Variants in CHST12 observed in about 807,000 individuals in gnomAD.
The protein encoded by CHST12 is carbohydrate (chondroitin 4) sulfotransferase 12.
CHST12 carries 23 observed loss-of-function variants against 27.9 expected under a neutral mutation model. The ratio of observed to expected loss-of-function variants is 0.82; its 90% CI spans 0.59 to 1.17. CHST12 has a LOEUF of 1.17. Ranked by LOEUF, CHST12 falls within the 50% of genes most tolerant of loss-of-function variation. CHST12 has a pLI of 0.00. For synonymous variants in CHST12, 322 were observed against 273.0 expected (o/e 1.18, Z -1.77); for missense variants, 682 against 603.0 (o/e 1.13, Z -1.37).
At chr7:2,418,792 CTGT>C (rs34952308) in intron 1 of CHST12, among the ~76,000 whole-genome samples, 33,032 of 150,742 alleles carry the variant, frequency 0.22, 3,936 homozygotes, top group African/African-American at 0.34. Context: ...GTTTCTGTTG[CTGT>C]TGTTGTTGTT....
chr7:2,408,848 C>T (rs1164077682), intron 1 of CHST12, among the ~76,000 whole-genome samples: 2 of 152,158 alleles, frequency 1.3e-5, no homozygotes, highest in African/African-American at 4.8e-5. Context: ...AAATCCCAGC[C>T]AGGTGCTGGT....
chr7:2,425,376 C>T (rs1782088409), intron 1 of CHST12, among the ~76,000 whole-genome samples: 1 of 152,114 alleles, frequency 6.6e-6, no homozygotes, highest in Non-Finnish European at 1.5e-5. Flanking sequence ...CTTCCAGAAA[C>T]CCCAGACCAG....
chr7:2,437,160 C>T lies in CHST12; in HGVS notation c.*3276C>T, dbSNP rs1168450639. Reference sequence around the variant, plus strand: ...TAACCATAAACTTAAAACTCTTTTACCCTGTTGGCCCCCATCCTCCAGCTG... The same window carrying T: ...TAACCATAAACTTAAAACTCTTTTATCCTGTTGGCCCCCATCCTCCAGCTG... On this transcript the variant is annotated 3_prime_UTR_variant, in exon 2 of 2. Transcript: ENST00000618655. 6.6e-6 allele frequency: 1 copy of T among 152,246 alleles called. No homozygotes were observed. Among genetic ancestry groups the T allele is most frequent in the African/African-American group, 2.4e-5 (1 of 41,456 alleles). 9.4% of individuals were successfully genotyped at this position (152,246 alleles called of 1,614,324 possible).
At chr7:2,407,105 CCTCAG>C (rs2115379924) in intron 1 of CHST12, among the ~76,000 whole-genome samples, 1 of 151,854 alleles carries the variant, frequency 6.6e-6, no homozygotes, top group East Asian at 1.9e-4. Flanking sequence ...TGAGGAACTC[CCTCAG>C]AAAGTAGAAC....
chr7:2,412,033 T>C (rs1781680680), intron 1 of CHST12, among the ~76,000 whole-genome samples: 1 of 151,954 alleles, frequency 6.6e-6, no homozygotes, highest in South Asian at 2.1e-4. Flanking sequence ...CAGGGTGAGC[T>C]GATAGCCTCT....
Position 2,437,552 on chromosome 7 carries a change from T to C in CHST12, c.*3668T>C, listed in dbSNP as rs1436835985. The C allele has an allele frequency of 6.6e-6, 1 of 152,222 alleles. No homozygotes were observed. Among genetic ancestry groups the C allele is most frequent in the Non-Finnish European group, 1.5e-5 (1 of 68,060 alleles). 9.4% of individuals were successfully genotyped at this position (152,222 alleles called of 1,614,324 possible). ...GTGCTTTTGCCATTTATTTGGACTATTGGAAAAATTTCAGGTTTGGTTTTG... is the reference window on the plus strand; with the variant it reads ...GTGCTTTTGCCATTTATTTGGACTACTGGAAAAATTTCAGGTTTGGTTTTG... On this transcript the variant is annotated 3_prime_UTR_variant, in exon 2 of 2. Transcript: ENST00000618655.
Position 2,434,313 on chromosome 7 carries a change from T to C in CHST12, c.*429T>C, listed in dbSNP as rs1426877877. 1 of 174,354 alleles carries C rather than the reference T, an allele frequency of 5.7e-6. No homozygotes were observed. Among genetic ancestry groups the C allele is most frequent in the East Asian group, 1.8e-4 (1 of 5,422 alleles). 10.8% of individuals were successfully genotyped at this position (174,354 alleles called of 1,614,324 possible). A position where few individuals can be genotyped will look rare whatever the true frequency, so the allele number is the denominator to read the frequency against. On this transcript the variant is annotated 3_prime_UTR_variant, in exon 2 of 2. Transcript: ENST00000618655. ...ACAAATCCTTCCAGAGGGAAAGTTCTTTGTTTAAGTGTTGTACTTGAAAAG... is the reference window on the plus strand; with the variant it reads ...ACAAATCCTTCCAGAGGGAAAGTTCCTTGTTTAAGTGTTGTACTTGAAAAG...
At chr7:2,425,707 T>G (rs1466955391) in intron 1 of CHST12, among the ~76,000 whole-genome samples, 1 of 151,370 alleles carries the variant, frequency 6.6e-6, no homozygotes, top group African/African-American at 2.4e-5. Context: ...TTTTTTTTTG[T>G]CTTTTGTCAA....
Position 2,443,908 on chromosome 7 carries a change from G to A in CHST12, c.*10024G>A, listed in dbSNP as rs1782681051. On this transcript the variant is annotated 3_prime_UTR_variant, in exon 2 of 2. Transcript: ENST00000618655. Reference sequence around the variant, plus strand: ...TCATGGCTGTAATCCCAGCACTTTGGGAGGCCGAGGCGGGTGGATCACCTG... The same window carrying A: ...TCATGGCTGTAATCCCAGCACTTTGAGAGGCCGAGGCGGGTGGATCACCTG... 6.6e-6 allele frequency: 1 copy of A among 152,188 alleles called. No individual in the cohort carries two copies. The highest frequency in any genetic ancestry group is 1.5e-5 in the Non-Finnish European group (1 of 68,068). 9.4% of individuals were successfully genotyped at this position (152,188 alleles called of 1,614,324 possible).
At chr7:2,411,647 A>T (rs1781669971) in intron 1 of CHST12, among the ~76,000 whole-genome samples, 1 of 151,740 alleles carries the variant, frequency 6.6e-6, no homozygotes, top group Non-Finnish European at 1.5e-5. Context: ...CAGCCACCAC[A>T]CCCAGCTACT....
chr7:2,405,116 C>A (rs779102125), intron 1 of CHST12, among the ~76,000 whole-genome samples: 3 of 151,954 alleles, frequency 2.0e-5, no homozygotes, highest in Non-Finnish European at 2.9e-5. Flanking sequence ...TCGCCGTGTT[C>A]TTGATGAAGT....
In CHST12 at chr7:2,434,239, C is replaced by T. The variant is rs1262808591; in HGVS notation, c.*355C>T. ...GGCCACTCACCGGAGGAGGGCGGGG[C>T]CTGCACTTGAAGTCAGGCCGCACCT... On this transcript the variant is annotated 3_prime_UTR_variant, in exon 2 of 2. Transcript: ENST00000618655. 2.0e-5 allele frequency: 4 copies of T among 197,446 alleles called. No homozygotes were observed. Among genetic ancestry groups the T allele is most frequent in the African/African-American group, 9.4e-5 (4 of 42,406 alleles). The allele number at this position is 197,446 out of a possible 1,614,324, so 12.2% of individuals were successfully genotyped here. A position where few individuals can be genotyped will look rare whatever the true frequency, so the allele number is the denominator to read the frequency against.
intron 1 of CHST12, among the ~76,000 whole-genome samples, chr7:2,429,617 AGGAATTGGTCTGTTTCATC>A (rs1253226271): frequency 2.0e-5 from 3 of 152,198 alleles, no homozygotes; most frequent in Non-Finnish European, 4.4e-5. Flanking sequence ...GTGGTTGTCA[AGGAATTGGTCTGTTTCATC>A]TAGGTTGCTA....
At chr7:2,420,063 T>TC (rs2115411647) in intron 1 of CHST12, among the ~76,000 whole-genome samples, 1 of 135,024 alleles carries the variant, frequency 7.4e-6, no homozygotes, top group East Asian at 2.6e-4. Flanking sequence ...AAGCTCTGCC[T>TC]CCCGGGTTCA....
At chr7:2,421,979 C>T (rs1227017194) in intron 1 of CHST12, among the ~76,000 whole-genome samples, 1 of 152,166 alleles carries the variant, frequency 6.6e-6, no homozygotes, top group East Asian at 1.9e-4. Flanking sequence ...ATGATGTAGT[C>T]ACTGGCATTG....
rs1254761720 is a variant in CHST12 at position 2,433,388 on chromosome 7, G to A, written c.749G>A (p.Arg250His). The stretch of plus-strand genomic sequence containing the variant: ...CTCTTCGTGCGCGACCCCTTCGTGC[G>A]CCTGATCTCCGCCTTCCGCAGCAAG... ...KFLFVRDPFV[R>H]LISAFRSKFE... is the part of the protein sequence containing the mutation. Residue 250 changes from arginine to histidine, a missense_variant, in exon 2 of 2, where the codon CGC becomes CAC. Arg to His is a conservative substitution (Grantham distance 29). Coordinates refer to ENST00000618655, the MANE Select transcript of CHST12 (RefSeq NM_018641.5). This position sits in a 1 kb window ranked among gnomAD's most constrained non-coding sequence, Gnocchi z 6.1. 4 of 1,609,746 alleles carry A rather than the reference G, an allele frequency of 2.5e-6. No homozygotes were observed. The highest frequency in any genetic ancestry group is 3.4e-6 in the Non-Finnish European group (4 of 1,179,928).
intron 1 of CHST12, among the ~76,000 whole-genome samples, chr7:2,431,422 G>T (rs976511951): frequency 2.6e-5 from 4 of 152,222 alleles, no homozygotes; most frequent in African/African-American, 9.6e-5. Context: ...GCCATGTCAT[G>T]GGTGCCAGAT....
chr7:2,419,948 T>C (rs1781920740), intron 1 of CHST12, among the ~76,000 whole-genome samples: 3 of 147,826 alleles, frequency 2.0e-5, no homozygotes. Context: ...CTCATACAAG[T>C]AGAATCTTGA....
At chr7:2,421,576 A>G (rs2906182) in intron 1 of CHST12, among the ~76,000 whole-genome samples, 29,161 of 151,710 alleles carry the variant, frequency 0.19, 2,863 homozygotes, top group Middle Eastern at 0.24. Flanking sequence ...AACTGGGATT[A>G]CAAGTGTACA....
Sources: allele counts gnomAD v4.1 joint callset (sites outside exome capture counted in the v4.1 genomes callset), GRCh38; gene constraint gnomAD v4.1.1; non-coding constraint Gnocchi (gnomAD v3.1); transcripts MANE v1.5; gene names NCBI Gene and HGNC (gene_info 2026-07-23, HGNC 2026-07-21).